Variants in CACNA2D1 observed in about 807,000 individuals in gnomAD.
CACNA2D1 encodes voltage-dependent calcium channel subunit alpha-2/delta-1.
Under a neutral mutation model 171.5 loss-of-function variants are expected in CACNA2D1, and 53 were observed. The ratio of observed to expected loss-of-function variants is 0.31; its 90% CI spans 0.25 to 0.39. CACNA2D1 has a LOEUF of 0.39. Ranked by LOEUF, CACNA2D1 falls within the 10% of genes least tolerant of loss-of-function variation. CACNA2D1 has a pLI of 1.00. For missense variants in CACNA2D1, 903 were observed against 1,299.8 expected, an observed-to-expected ratio of 0.69 and a Z score of 4.69; for synonymous variants, 442 against 443.1, an observed-to-expected ratio of 1.00 and a Z score of 0.03.
At chr7:82,073,975 C>A (rs899010992) in intron 7 of CACNA2D1, among the ~76,000 whole-genome samples, 1 of 151,736 alleles carries the variant, frequency 6.6e-6, no homozygotes, top group East Asian at 1.9e-4. Context: ...CATAGAGACA[C>A]GAACACAAAA....
At chr7:82,148,436 T>A (rs886165727) in intron 4 of CACNA2D1, among the ~76,000 whole-genome samples, 23 of 152,000 alleles carry the variant, frequency 1.5e-4, no homozygotes, top group South Asian at 2.1e-4. Context: ...AAAAGTGACA[T>A]GTATATGGAC....
intron 1 of CACNA2D1, among the ~76,000 whole-genome samples, chr7:82,404,515 A>C (rs2129452557): frequency 6.6e-6 from 1 of 152,318 alleles, no homozygotes; most frequent in Admixed American, 6.5e-5. Flanking sequence ...TTCTTCTGAG[A>C]TGGTTAAGAA....
At chr7:82,276,346 A>G (rs1809321402) in intron 3 of CACNA2D1, among the ~76,000 whole-genome samples, 1 of 152,200 alleles carries the variant, frequency 6.6e-6, no homozygotes, top group South Asian at 2.1e-4. Context: ...AAACAGTTTC[A>G]TTTAGCCAAT....
intron 6 of CACNA2D1, among the ~76,000 whole-genome samples, chr7:82,091,046 TAAG>T (rs1478633309): frequency 1.5e-4 from 23 of 152,076 alleles, no homozygotes; most frequent in Admixed American, 1.4e-3. Context: ...AAGATGTTAA[TAAG>T]AAGAAACCTA....
At chr7:82,384,895 A>C (rs1429622821) in intron 1 of CACNA2D1, among the ~76,000 whole-genome samples, 1 of 152,224 alleles carries the variant, frequency 6.6e-6, no homozygotes, top group African/African-American at 2.4e-5. Flanking sequence ...CACAAGAGAA[A>C]ACTTTGGGGC....
intron 2 of CACNA2D1, among the ~76,000 whole-genome samples, chr7:82,347,840 C>CAG (rs3831539): frequency 0.14 from 20,948 of 151,982 alleles, 2,202 homozygotes; most frequent in African/African-American, 0.29. Context: ...TATGTTAATT[C>CAG]AGTCATTGAT....
chr7:81,962,562 C>A, intron 34 of CACNA2D1, 67 bp from the exon 35 acceptor site: 1 of 868,960 alleles, frequency 1.2e-6, no homozygotes, highest in South Asian at 1.5e-5. Flanking sequence ...TGTACCCATA[C>A]ACATAAATAC....
At chr7:82,039,974 A>C in intron 10 of CACNA2D1, among the ~76,000 whole-genome samples, 1 of 152,228 alleles carries the variant, frequency 6.6e-6, no homozygotes, top group South Asian at 2.1e-4. Context: ...TCACTGGAAG[A>C]TCTTAAGCCA....
chr7:82,428,026 G>A (rs1039763991), intron 1 of CACNA2D1, among the ~76,000 whole-genome samples: 8 of 151,682 alleles, frequency 5.3e-5, no homozygotes, highest in Non-Finnish European at 1.2e-4. Context: ...CCAAGACTCC[G>A]TCTCTCCAAA....
intron 4 of CACNA2D1, among the ~76,000 whole-genome samples, chr7:82,143,909 A>C (rs551281017): frequency 3.3e-5 from 5 of 152,274 alleles, no homozygotes; most frequent in African/African-American, 1.2e-4. Context: ...TCTTTGGTAA[A>C]ATGTTTTTCT....
intron 4 of CACNA2D1, among the ~76,000 whole-genome samples, chr7:82,167,229 T>C (rs1795548803): frequency 1.3e-5 from 2 of 152,074 alleles, no homozygotes; most frequent in South Asian, 4.1e-4. Flanking sequence ...TGAAAGATGA[T>C]AAAATTTATC....
intron 3 of CACNA2D1, among the ~76,000 whole-genome samples, chr7:82,312,509 CTTTTT>C (rs557443177): frequency 2.5e-5 from 3 of 118,982 alleles, no homozygotes; most frequent in African/African-American, 3.3e-5. Context: ...TTAACTGAAA[CTTTTT>C]TTTTTTTTTT....
intron 3 of CACNA2D1, among the ~76,000 whole-genome samples, chr7:82,240,056 T>A (rs1019139588): frequency 6.6e-6 from 1 of 152,188 alleles, no homozygotes; most frequent in African/African-American, 2.4e-5. Flanking sequence ...GCACTAAGAT[T>A]ATTGTGCAAA....
chr7:82,014,852 G>A (rs996771961), intron 12 of CACNA2D1, among the ~76,000 whole-genome samples: 31 of 152,160 alleles, frequency 2.0e-4, no homozygotes, highest in Non-Finnish European at 4.3e-4. Flanking sequence ...TCAGGAGTTC[G>A]AGACCATCCT....
At chr7:82,149,911 C>T (rs1793615480) in intron 4 of CACNA2D1, among the ~76,000 whole-genome samples, 1 of 151,700 alleles carries the variant, frequency 6.6e-6, no homozygotes, top group Non-Finnish European at 1.5e-5. Context: ...CAGCCGAGAT[C>T]GCGCCACTGC....
chr7:82,084,161 C>T (rs1405039249), intron 7 of CACNA2D1, among the ~76,000 whole-genome samples: 6 of 152,020 alleles, frequency 3.9e-5, no homozygotes, highest in African/African-American at 1.2e-4. Context: ...ACTATTTCTC[C>T]TTACTCTTTT....
chr7:82,041,288 G>A (rs758351224), intron 10 of CACNA2D1, among the ~76,000 whole-genome samples: 3 of 152,040 alleles, frequency 2.0e-5, no homozygotes, highest in Non-Finnish European at 4.4e-5. Context: ...AATAAAGCTC[G>A]TCGAAAGGTA....
intron 3 of CACNA2D1, among the ~76,000 whole-genome samples, chr7:82,278,874 T>G (rs372979950): frequency 3.3e-4 from 51 of 152,332 alleles, no homozygotes; most frequent in African/African-American, 1.1e-3. Context: ...TGTAAGGGTC[T>G]ACTCGTTCAG....
At chr7:82,390,875 A>T in intron 1 of CACNA2D1, among the ~76,000 whole-genome samples, 1 of 152,222 alleles carries the variant, frequency 6.6e-6, no homozygotes, top group Middle Eastern at 3.4e-3. Context: ...TTTTAGAGAA[A>T]TTTTTCTTTC....
Sources: allele counts gnomAD v4.1 joint callset (sites outside exome capture counted in the v4.1 genomes callset), GRCh38; gene constraint gnomAD v4.1.1; transcripts MANE v1.5; gene names NCBI Gene and HGNC (gene_info 2026-07-23, HGNC 2026-07-21).